The following FRMD4B variants were observed in gnomAD, a reference collection of about 807,000 sequenced individuals.
FRMD4B encodes FERM domain-containing protein 4B.
In FRMD4B, 74 loss-of-function variants were observed where a neutral mutation model predicts 141.5. The ratio of observed to expected loss-of-function variants is 0.52; its 90% CI spans 0.43 to 0.63. FRMD4B has a LOEUF of 0.63. Among genes scored for constraint, FRMD4B ranks in the 30% least tolerant of loss-of-function variants. The probability of loss-of-function intolerance (pLI) is 0.00; values close to 1 mark genes in which losing one functional copy is unlikely to be tolerated. For missense variants in FRMD4B, 1,366 were observed against 1,253.4 expected (o/e 1.09, Z -1.36); for synonymous variants, 506 against 467.9 (o/e 1.08, Z -1.05).
intron 1 of FRMD4B, among the ~76,000 whole-genome samples, chr3:69,508,391 C>T (rs527441916): frequency 7.2e-4 from 109 of 152,264 alleles, no homozygotes; most frequent in South Asian, 4.8e-3. Context: ...GTTTCAATCG[C>T]ATAACAGGCT....
intron 1 of FRMD4B, among the ~76,000 whole-genome samples, chr3:69,473,469 T>C (rs1449685109): frequency 2.6e-5 from 4 of 152,146 alleles, no homozygotes. Context: ...CACTCCTCAT[T>C]CTGAACTTGG....
rs1257933346 is a variant in FRMD4B, at chr3:69,363,242, T to C, written c.162+22586A>G. Among the ~76,000 whole-genome samples, 5 of 112,960 alleles carry C rather than the reference T, an allele frequency of 4.4e-5. No homozygotes were observed. The South Asian group carries it at 1.7e-3, about 38-fold the overall frequency. The allele number at this position is 112,960 out of a possible 152,430, so 74.1% of individuals were successfully genotyped here. A position where few individuals can be genotyped will look rare whatever the true frequency, so the allele number is the denominator to read the frequency against. Reference sequence around the variant, plus strand: ...TCCAAAAAAAAGGATCACTTCTTTTTACCATGTTTTTTTTTTTTTTTTAAA... The same window carrying C: ...TCCAAAAAAAAGGATCACTTCTTTTCACCATGTTTTTTTTTTTTTTTTAAA... On this transcript the variant is annotated intron_variant, in intron 1 of 22. Transcript: ENST00000398540.
At chr3:69,224,571 T>C (rs1180290923) in intron 8 of FRMD4B, 36 bp downstream of exon 8, 2 of 966,956 alleles carry the variant, frequency 2.1e-6, no homozygotes, top group African/African-American at 1.6e-5. Flanking sequence ...ATGGAGGCTA[T>C]GAAAATGAGA....
chr3:69,332,605 C>T (rs1314525400), intron 1 of FRMD4B, among the ~76,000 whole-genome samples: 1 of 152,086 alleles, frequency 6.6e-6, no homozygotes, highest in Non-Finnish European at 1.5e-5. Context: ...GAGACAGGGT[C>T]TCACTCCATT....
chr3:69,490,148 G>A (rs1706279242), intron 1 of FRMD4B, among the ~76,000 whole-genome samples: 1 of 152,148 alleles, frequency 6.6e-6, no homozygotes, highest in African/African-American at 2.4e-5. Context: ...TAAGATTATG[G>A]TGCTGGTTGC....
At chr3:69,351,876 C>T (rs1301130614) in intron 1 of FRMD4B, among the ~76,000 whole-genome samples, 1 of 152,176 alleles carries the variant, frequency 6.6e-6, no homozygotes, top group African/African-American at 2.4e-5. Flanking sequence ...TTAAATGTTC[C>T]ATGGCATAAA....
rs191112739 is a variant in FRMD4B, at chr3:69,526,911, G to A, written c.-129+15295C>T. 2.4e-4 allele frequency among the ~76,000 whole-genome samples: 36 copies of A among 152,174 alleles called. No individual in the cohort carries two copies. The East Asian group carries it at 3.5e-3, about 15-fold the overall frequency. On this transcript the variant is annotated intron_variant, in intron 1 of 5. Transcript: ENST00000459638. The stretch of plus-strand genomic sequence containing the variant: ...AATCTACTTAAAACTTTTCCACTGC[G>A]CCTCCCATATCCACTTCAGGGCCTA...
intron 2 of FRMD4B, among the ~76,000 whole-genome samples, chr3:69,414,084 T>A (rs1461448422): frequency 2.6e-5 from 4 of 152,134 alleles, no homozygotes; most frequent in African/African-American, 9.7e-5. Context: ...TGTTCCCATC[T>A]CCAGAAGGAA....
intron 1 of FRMD4B, among the ~76,000 whole-genome samples, chr3:69,494,986 AGGAAAGGGAG>A (rs901704401): frequency 4.7e-5 from 7 of 149,478 alleles, no homozygotes; most frequent in South Asian, 2.2e-4. Context: ...GGAGAGGGGA[AGGAAAGGGAG>A]GGAAAGGGAG....
intron 1 of FRMD4B, among the ~76,000 whole-genome samples, chr3:69,507,132 G>A (rs1278279482): frequency 6.6e-6 from 1 of 152,112 alleles, no homozygotes; most frequent in East Asian, 1.9e-4. Context: ...AGCCTTTAAT[G>A]GAGCTGTTTT....
chr3:69,436,587 C>T (rs182479684), intron 1 of FRMD4B, among the ~76,000 whole-genome samples: 1 of 152,194 alleles, frequency 6.6e-6, no homozygotes, highest in African/African-American at 2.4e-5. Context: ...AATTCCATCT[C>T]TGGGCAGATA....
intron 1 of FRMD4B, among the ~76,000 whole-genome samples, chr3:69,526,087 T>C (rs1448473692): frequency 6.6e-6 from 1 of 152,212 alleles, no homozygotes; most frequent in African/African-American, 2.4e-5. Flanking sequence ...CTGAGGACTT[T>C]CTTGTGCTGC....
intron 1 of FRMD4B, among the ~76,000 whole-genome samples, chr3:69,526,120 C>T (rs1390209634): frequency 1.3e-5 from 2 of 152,150 alleles, no homozygotes; most frequent in African/African-American, 2.4e-5. Flanking sequence ...TTGCCAAGCA[C>T]GGGATACAAC....
At chr3:69,300,301 T>C (rs1469047526) in intron 4 of FRMD4B, among the ~76,000 whole-genome samples, 2 of 152,260 alleles carry the variant, frequency 1.3e-5, no homozygotes, top group African/African-American at 4.8e-5. Flanking sequence ...ATTCTCACTA[T>C]ACTGTTGGGA....
At chr3:69,177,206 G>A (rs1381392922) in intron 21 of FRMD4B, among the ~76,000 whole-genome samples, 1 of 152,062 alleles carries the variant, frequency 6.6e-6, no homozygotes, top group African/African-American at 2.4e-5. Flanking sequence ...GGGCATGGTG[G>A]CGCATGCCTA....
intron 4 of FRMD4B, among the ~76,000 whole-genome samples, chr3:69,298,623 C>T (rs1351665074): frequency 6.6e-6 from 1 of 152,206 alleles, no homozygotes. Context: ...ACACACCAGG[C>T]ATGCTCTTGC....
rs111781951 is a variant in FRMD4B, at chr3:69,201,289, G to A, written c.877-2515C>T. The stretch of plus-strand genomic sequence containing the variant: ...TGGGGGCAGATGGTATGGGGGGTAC[G>A]TTGTATAGAAACTTGAATATCATTA... On this transcript the variant is annotated intron_variant, in intron 11 of 22. Transcript: ENST00000398540. 2.8e-3 allele frequency among the ~76,000 whole-genome samples: 432 copies of A among 152,162 alleles called. 3 individuals are homozygous for A. The highest frequency in any genetic ancestry group is 9.6e-3 in the African/African-American group (400 of 41,530).
chr3:69,219,472 T>G (rs145671241), intron 9 of FRMD4B, among the ~76,000 whole-genome samples: 81 of 152,306 alleles, frequency 5.3e-4, no homozygotes, highest in African/African-American at 1.9e-3. Flanking sequence ...GCAACTAAAC[T>G]GCACAGCCAG....
At chr3:69,290,279 G>A (rs754974455) in intron 4 of FRMD4B, among the ~76,000 whole-genome samples, 6 of 152,158 alleles carry the variant, frequency 3.9e-5, no homozygotes, top group Admixed American at 1.3e-4. Context: ...TTAGAGACTT[G>A]AGGGGCGGGT....
Sources: allele counts gnomAD v4.1 joint callset (sites outside exome capture counted in the v4.1 genomes callset), GRCh38; gene constraint gnomAD v4.1.1; transcripts MANE v1.5; gene names NCBI Gene and HGNC (gene_info 2026-07-23, HGNC 2026-07-21).